The following FHOD3 variants were observed in gnomAD, a reference collection of about 807,000 sequenced individuals.
FHOD3 encodes the protein FH1/FH2 domain-containing protein 3.
Under a neutral mutation model 173.0 loss-of-function variants are expected in FHOD3, and 90 were observed. The observed-to-expected ratio is 0.52, with a 90% CI of 0.44 to 0.62. FHOD3 has a LOEUF of 0.62. FHOD3 is among the 20% of genes least tolerant of loss of function. The probability of loss-of-function intolerance (pLI) is 0.00; values close to 1 mark genes in which losing one functional copy is unlikely to be tolerated. For synonymous variants in FHOD3, 828 were observed against 823.0 expected, an observed-to-expected ratio of 1.01 and a Z score of -0.10; for missense variants, 1,945 against 2,034.7, an observed-to-expected ratio of 0.96 and a Z score of 0.85.
chr18:36,399,957 G>T (rs961909643), intron 3 of FHOD3, among the ~76,000 whole-genome samples: 1 of 152,186 alleles, frequency 6.6e-6, no homozygotes, highest in Non-Finnish European at 1.5e-5. Flanking sequence ...CTGAATCATA[G>T]AGTTCCTTCA....
At chr18:36,695,757 C>A (rs1345165271) in intron 17 of FHOD3, among the ~76,000 whole-genome samples, 1 of 152,194 alleles carries the variant, frequency 6.6e-6, no homozygotes, top group East Asian at 1.9e-4. Context: ...GCCTTTATGA[C>A]AGAAATGCAA....
intron 5 of FHOD3, among the ~76,000 whole-genome samples, chr18:36,559,646 A>G (rs2058020854): frequency 6.6e-6 from 1 of 152,074 alleles, no homozygotes; most frequent in South Asian, 2.1e-4. Flanking sequence ...CTCCCTGAGG[A>G]TATGTCTATT....
intron 7 of FHOD3, among the ~76,000 whole-genome samples, chr18:36,598,915 A>C (rs1044057345): frequency 6.6e-6 from 1 of 152,226 alleles, no homozygotes; most frequent in Non-Finnish European, 1.5e-5. Context: ...GGCCTGAGAT[A>C]AAAAGGTGGA....
intron 3 of FHOD3, among the ~76,000 whole-genome samples, chr18:36,424,782 T>C (rs1193387952): frequency 6.6e-6 from 1 of 152,214 alleles, no homozygotes; most frequent in Admixed American, 6.5e-5. Context: ...TTTTCAATTG[T>C]CTATTGTTCT....
rs147247643 is a variant in FHOD3, at chr18:36,521,972, G to A, written c.511+9429G>A. Among the ~76,000 whole-genome samples, 818 of 152,276 alleles carry A rather than the reference G, an allele frequency of 5.4e-3. 7 individuals are homozygous for A. The highest frequency in any genetic ancestry group is 0.019 in the African/African-American group (786 of 41,548). ...GTTCACACATTATCTTTTGCTTCCT[G>A]CTCATCCTTAGATTGGAGTTCAGAT... On this transcript the variant is annotated intron_variant, in intron 5 of 28. Coordinates refer to ENST00000590592, the MANE Select transcript of FHOD3 (RefSeq NM_001281740.3).
chr18:36,525,266 C>T (rs75335316), intron 5 of FHOD3, among the ~76,000 whole-genome samples: 1,883 of 152,184 alleles, frequency 0.012, 41 homozygotes, highest in African/African-American at 0.042. Flanking sequence ...ATAGATGAAT[C>T]CCTGAAAAGA....
intron 5 of FHOD3, among the ~76,000 whole-genome samples, chr18:36,514,011 A>ATTTT (rs1555735785): frequency 1.5e-5 from 1 of 65,616 alleles, no homozygotes; most frequent in Non-Finnish European, 3.3e-5. Flanking sequence ...TGCTATTTCT[A>ATTTT]TTCTTTTTTT....
chr18:36,512,385 T>C, intron 4 of FHOD3, 53 bp from the exon 5 acceptor site: 1 of 1,332,796 alleles, frequency 7.5e-7, no homozygotes. Context: ...ACAGCTGGGA[T>C]GGAAGGTGGA....
At chr18:36,593,357 A>T (rs1286224024) in intron 6 of FHOD3, among the ~76,000 whole-genome samples, 1 of 152,190 alleles carries the variant, frequency 6.6e-6, no homozygotes, top group African/African-American at 2.4e-5. Flanking sequence ...GCACCTGGGC[A>T]CTGGCTGGAG....
intron 14 of FHOD3, among the ~76,000 whole-genome samples, chr18:36,671,093 A>C (rs75236578): frequency 6.6e-6 from 1 of 152,228 alleles, no homozygotes; most frequent in Non-Finnish European, 1.5e-5. Flanking sequence ...TTTTACATGC[A>C]TATGCTGAAC....
intron 20 of FHOD3, among the ~76,000 whole-genome samples, chr18:36,734,894 C>CT (rs2041556121): frequency 6.6e-6 from 1 of 152,118 alleles, no homozygotes; most frequent in Non-Finnish European, 1.5e-5. Context: ...TGTGGCTTTG[C>CT]TTAGCAACCC....
intron 20 of FHOD3, among the ~76,000 whole-genome samples, chr18:36,739,041 C>A (rs1568702532): frequency 6.6e-6 from 1 of 152,130 alleles, no homozygotes; most frequent in African/African-American, 2.4e-5. Flanking sequence ...AAAAAACTGA[C>A]AAAAACCACA....
At chr18:36,357,666 T>C (rs2046423237) in intron 2 of FHOD3, among the ~76,000 whole-genome samples, 1 of 152,236 alleles carries the variant, frequency 6.6e-6, no homozygotes, top group Non-Finnish European at 1.5e-5. Flanking sequence ...GGATGTTCCA[T>C]TGCAATAGTT....
intron 3 of FHOD3, among the ~76,000 whole-genome samples, chr18:36,482,858 C>CACACACAGAG (rs1400178557): frequency 2.9e-4 from 38 of 130,456 alleles, no homozygotes; most frequent in Middle Eastern, 3.9e-3. Flanking sequence ...CACACACACA[C>CACACACAGAG]AGAGAGAGAG....
intron 15 of FHOD3, among the ~76,000 whole-genome samples, chr18:36,682,407 T>C (rs945650498): frequency 2.0e-5 from 3 of 152,176 alleles, no homozygotes; most frequent in Non-Finnish European, 4.4e-5. Context: ...TTGAAGTCAT[T>C]TACCCTATAG....
At chr18:36,686,017 G>C (rs146752272) in intron 15 of FHOD3, among the ~76,000 whole-genome samples, 12 of 152,268 alleles carry the variant, frequency 7.9e-5, no homozygotes, top group Non-Finnish European at 1.8e-4. Context: ...AAGGAATCCT[G>C]GGTTGTCACT....
At chr18:36,720,280 C>T (rs2040691743) in intron 19 of FHOD3, among the ~76,000 whole-genome samples, 1 of 149,738 alleles carries the variant, frequency 6.7e-6, no homozygotes, top group Non-Finnish European at 1.5e-5. Context: ...CTCTGTCGCC[C>T]AGGATGGAGT....
intron 5 of FHOD3, among the ~76,000 whole-genome samples, chr18:36,513,461 G>A (rs758980492): frequency 1.3e-4 from 20 of 152,218 alleles, no homozygotes; most frequent in African/African-American, 2.7e-4. Flanking sequence ...ATCTATGCCT[G>A]TGACCCCACA....
Position 36,488,360 on chromosome 18 carries a change from C to A in FHOD3, c.338-13572C>A, listed in dbSNP as rs929637873. ...CATCTTCCCTATCAACTGGCATTGA[C>A]CCCGGGAAGGAAGAGGCAATCTCTT... On this transcript the variant is annotated intron_variant, in intron 3 of 28. Coordinates refer to ENST00000590592, the MANE Select transcript of FHOD3 (RefSeq NM_001281740.3). 7.2e-5 allele frequency among the ~76,000 whole-genome samples: 11 copies of A among 152,154 alleles called. 1 individual carries two copies. Among genetic ancestry groups the A allele is most frequent in the South Asian group, 4.1e-4 (2 of 4,824 alleles).
Sources: gnomAD v4.1 joint callset for allele counts (sites outside exome capture counted in the v4.1 genomes callset) on GRCh38, gnomAD v4.1.1 for gene constraint, MANE v1.5 for transcripts, NCBI Gene and HGNC (gene_info 2026-07-23, HGNC 2026-07-21) for gene names.